The following SLIT3 variants were observed in gnomAD, a reference collection of about 807,000 sequenced individuals.
The protein encoded by SLIT3 is slit guidance ligand 3.
In SLIT3, 68 loss-of-function variants were observed where a neutral mutation model predicts 184.0. The observed-to-expected ratio is 0.37, with a 90% CI of 0.30 to 0.45. The LOEUF (loss-of-function observed/expected upper bound fraction) is 0.45, where lower values mean the gene tolerates loss of function less well. SLIT3 is among the 20% of genes least tolerant of loss of function. The pLI is 1.00. For synonymous variants in SLIT3, 831 were observed against 828.6 expected (o/e 1.00, Z -0.05); for missense variants, 1,707 against 2,026.0 (o/e 0.84, Z 3.02).
chr5:169,240,533 T>A (rs1765362644), intron 3 of SLIT3, among the ~76,000 whole-genome samples: 1 of 150,400 alleles, frequency 6.6e-6, no homozygotes, highest in Non-Finnish European at 1.5e-5. Flanking sequence ...TTATCTTTAA[T>A]AGAGTGACAC....
intron 4 of SLIT3, among the ~76,000 whole-genome samples, chr5:169,090,400 C>G (rs1399004451): frequency 6.6e-6 from 1 of 152,148 alleles, no homozygotes; most frequent in Non-Finnish European, 1.5e-5. Flanking sequence ...GGAACTGCAG[C>G]CTGCAGAGAT....
intron 23 of SLIT3, among the ~76,000 whole-genome samples, chr5:168,714,652 G>A (rs138054050): frequency 2.6e-5 from 4 of 152,228 alleles, no homozygotes; most frequent in African/African-American, 4.8e-5. Context: ...CATTAAATCC[G>A]CCTACACTGC....
At position 168,916,953 on chromosome 5, in the gene SLIT3, C is replaced by A. The variant is rs188182476; in HGVS notation, c.414-33617G>T. ...CCACGGTGCTTTGTTTTATTGATAG[C>A]GGCGTCTCTCCCTGTCATTTCTCCC... On this transcript the variant is annotated intron_variant, in intron 4 of 35. Transcript: ENST00000519560. 9.2e-5 allele frequency among the ~76,000 whole-genome samples: 14 copies of A among 152,172 alleles called. No homozygotes were observed. In the East Asian group the frequency reaches 2.5e-3, roughly 27 times the overall value.
At chr5:168,957,220 AG>A (rs1180130113) in intron 4 of SLIT3, among the ~76,000 whole-genome samples, 26 of 131,716 alleles carry the variant, frequency 2.0e-4, no homozygotes, top group African/African-American at 8.0e-4. Flanking sequence ...CAAGAGCAAA[AG>A]TCTGTCTCAA....
intron 4 of SLIT3, among the ~76,000 whole-genome samples, chr5:169,188,619 A>G (rs1177049176): frequency 1.3e-5 from 2 of 152,168 alleles, no homozygotes; most frequent in Non-Finnish European, 2.9e-5. Flanking sequence ...CCTAGGTGCT[A>G]CAAAGTTTAT....
At chr5:168,708,357 T>G (rs1365057953) in intron 25 of SLIT3, 2 of 547,366 alleles carry the variant, frequency 3.7e-6, no homozygotes, top group Non-Finnish European at 6.5e-6. Context: ...TTACTGTAAT[T>G]AGCCTGATCC....
chr5:168,913,098 A>G (rs146994544), intron 4 of SLIT3, among the ~76,000 whole-genome samples: 130 of 152,278 alleles, frequency 8.5e-4, no homozygotes, highest in African/African-American at 2.8e-3. Flanking sequence ...CAAGCTCCTT[A>G]CCACTTGCCT....
intron 23 of SLIT3, among the ~76,000 whole-genome samples, chr5:168,713,647 G>T (rs998283192): frequency 6.6e-6 from 1 of 152,192 alleles, no homozygotes; most frequent in Non-Finnish European, 1.5e-5. Flanking sequence ...GAATAATAAC[G>T]AATGAATTTG....
intron 4 of SLIT3, among the ~76,000 whole-genome samples, chr5:169,067,496 C>T (rs1427797474): frequency 6.6e-6 from 1 of 152,118 alleles, no homozygotes; most frequent in East Asian, 1.9e-4. Context: ...CATCTCTGTG[C>T]CTCCACGGCA....
intron 4 of SLIT3, among the ~76,000 whole-genome samples, chr5:169,147,940 T>C (rs1462682490): frequency 6.6e-6 from 1 of 152,224 alleles, no homozygotes; most frequent in East Asian, 1.9e-4. Context: ...GCTGGTGCCC[T>C]GTACGCCTGA....
intron 1 of SLIT3, among the ~76,000 whole-genome samples, chr5:169,253,083 GAA>G (rs34252659): frequency 2.0e-4 from 28 of 141,578 alleles, no homozygotes; most frequent in East Asian, 1.6e-3. Context: ...TGGTTTAGAA[GAA>G]AAAAAAAAAA....
intron 32 of SLIT3, among the ~76,000 whole-genome samples, chr5:168,675,342 G>C (rs1219728218): frequency 6.6e-6 from 1 of 152,158 alleles, no homozygotes; most frequent in African/African-American, 2.4e-5. Context: ...CTCAGATTTA[G>C]AAATCTCAGC....
chr5:169,167,434 C>G (rs1017573506), intron 4 of SLIT3, among the ~76,000 whole-genome samples: 3 of 149,008 alleles, frequency 2.0e-5, no homozygotes, highest in African/African-American at 7.3e-5. Context: ...ACCACCACAC[C>G]TGGCTAACTT....
At chr5:168,886,335 G>A (rs761833166) in intron 4 of SLIT3, among the ~76,000 whole-genome samples, 9 of 152,178 alleles carry the variant, frequency 5.9e-5, no homozygotes, top group East Asian at 1.9e-4. Context: ...CTTCATTTTC[G>A]GTAACAGTCC....
intron 4 of SLIT3, among the ~76,000 whole-genome samples, chr5:169,003,035 G>C (rs1037915359): frequency 6.6e-6 from 1 of 152,100 alleles, no homozygotes; most frequent in African/African-American, 2.4e-5. Flanking sequence ...GGCTGCCTTC[G>C]CTCACAGGTT....
intron 11 of SLIT3, among the ~76,000 whole-genome samples, chr5:168,787,235 T>C (rs145742977): frequency 0.01 from 1,580 of 152,336 alleles, 25 homozygotes; most frequent in African/African-American, 0.036. Flanking sequence ...GTAATGTCAC[T>C]GTCTGCCCGT....
At chr5:169,046,121 C>T (rs753645142) in intron 4 of SLIT3, among the ~76,000 whole-genome samples, 9 of 151,980 alleles carry the variant, frequency 5.9e-5, no homozygotes, top group Admixed American at 1.3e-4. Flanking sequence ...GGAGGGAGAC[C>T]CCTTCCCTAC....
intron 4 of SLIT3, among the ~76,000 whole-genome samples, chr5:169,044,870 G>A (rs1329639337): frequency 6.6e-6 from 1 of 152,180 alleles, no homozygotes; most frequent in Non-Finnish European, 1.5e-5. Context: ...CTGTTTCTGG[G>A]CCTGGAGAAG....
intron 20 of SLIT3, among the ~76,000 whole-genome samples, chr5:168,726,394 C>A (rs184235233): frequency 2.6e-3 from 20 of 7,748 alleles, no homozygotes; most frequent in African/African-American, 5.3e-3. Context: ...GGCAGGGAGG[C>A]AGAGGGAGGC....
Sources: gnomAD v4.1 joint callset for allele counts (sites outside exome capture counted in the v4.1 genomes callset) on GRCh38, gnomAD v4.1.1 for gene constraint, MANE v1.5 for transcripts, NCBI Gene and HGNC (gene_info 2026-07-23, HGNC 2026-07-21) for gene names.